APP: variants seen among roughly 807,000 people sequenced by gnomAD.
The protein encoded by APP is amyloid-beta precursor protein.
In APP, 31 loss-of-function variants were observed where a neutral mutation model predicts 101.4. That is an observed-to-expected ratio of 0.31 (90% confidence interval 0.23 to 0.41). The LOEUF is 0.41. APP is among the 10% of genes least tolerant of loss of function. The pLI, the probability that APP is intolerant of heterozygous loss-of-function variation, is 1.00. For synonymous variants in APP, 366 were observed against 364.4 expected (o/e 1.00, Z -0.05); for missense variants, 839 against 1,003.7 (o/e 0.84, Z 2.22).
intron 5 of APP, among the ~76,000 whole-genome samples, chr21:26,048,258 G>A (rs998247550): frequency 7.9e-5 from 12 of 152,112 alleles, no homozygotes; most frequent in African/African-American, 2.9e-4. Flanking sequence ...GGGAGGTGGA[G>A]GTTGCAGTGA....
Position 26,045,624 on chromosome 21 carries a change from C to G in APP, c.662+5376G>C, listed in dbSNP as rs150280699. On this transcript the variant is annotated intron_variant, in intron 5 of 17. Coordinates refer to ENST00000346798, the MANE Select transcript of APP (RefSeq NM_000484.4). ...AAATATGAAACAATAATAATATAAACGGCCCACTGTATCTAGATAGTCAAT... is the reference window on the plus strand; with the variant it reads ...AAATATGAAACAATAATAATATAAAGGGCCCACTGTATCTAGATAGTCAAT... 3.8e-3 allele frequency among the ~76,000 whole-genome samples: 575 copies of G among 152,192 alleles called. 5 individuals carry two copies. Among genetic ancestry groups the G allele is most frequent in the African/African-American group, 0.013 (547 of 41,516 alleles).
At chr21:26,124,752 A>G (rs983502785) in intron 1 of APP, among the ~76,000 whole-genome samples, 14 of 152,244 alleles carry the variant, frequency 9.2e-5, no homozygotes, top group African/African-American at 3.4e-4. Flanking sequence ...GTTATCAAAC[A>G]CATGCCGTTC....
intron 1 of APP, among the ~76,000 whole-genome samples, chr21:26,118,563 C>T (rs1437600129): frequency 6.6e-6 from 1 of 152,022 alleles, no homozygotes; most frequent in East Asian, 1.9e-4. Context: ...TGTTTTGTTT[C>T]GTTTTCTGAG....
intron 3 of APP, among the ~76,000 whole-genome samples, chr21:26,085,371 A>G (rs1211476157): frequency 1.3e-5 from 2 of 152,182 alleles, no homozygotes; most frequent in African/African-American, 2.4e-5. Context: ...TTAAATAATG[A>G]GAATGATGAA....
chr21:25,905,048 C>T lies in APP; in HGVS notation c.1939G>A (p.Asp647Asn), dbSNP rs368159818. Residue 647 changes from aspartate to asparagine, a missense_variant, in exon 15 of 18, where the codon GAC becomes AAC. Asp to Asn is a conservative substitution (Grantham distance 23). Coordinates refer to ENST00000346798, the MANE Select transcript of APP (RefSeq NM_000484.4). ...VEPVDARPAADRGLTTRPGSG... is the reference protein window; with the variant it reads ...VEPVDARPAANRGLTTRPGSG... ...CCTGGTCGAGTGGTCAGTCCTCGGT[C>T]GGCAGCAGGGCGGGCATCAACAGGC... 11 of 1,613,666 alleles carry T rather than the reference C, an allele frequency of 6.8e-6. No homozygotes were observed. Among genetic ancestry groups the T allele is most frequent in the South Asian group, 3.3e-5 (3 of 90,978 alleles).
At chr21:25,997,566 T>C (rs562858564) in intron 7 of APP, 150 bp from the exon 8 acceptor site, 399 of 696,318 alleles carry the variant, frequency 5.7e-4, no homozygotes, top group Non-Finnish European at 8.0e-4. Context: ...AAAATGAACA[T>C]ATAAACATAA....
intron 3 of APP, chr21:26,089,583 A>G (rs2061776912): frequency 7.2e-6 from 1 of 138,386 alleles, no homozygotes; most frequent in African/African-American, 2.8e-5. Flanking sequence ...TAGAAAGTCT[A>G]TGTGAAGAAA....
At chr21:25,924,379 T>TA (rs71183533) in intron 13 of APP, among the ~76,000 whole-genome samples, 34,712 of 50,998 alleles carry the variant, frequency 0.68, 12,946 homozygotes, top group Middle Eastern at 0.83. Flanking sequence ...TAAAGTATAA[T>TA]AAAAAAAAAA....
At chr21:26,049,598 T>G (rs1601324228) in intron 5 of APP, among the ~76,000 whole-genome samples, 1 of 152,214 alleles carries the variant, frequency 6.6e-6, no homozygotes, top group Admixed American at 6.5e-5. Context: ...GTTACATGAC[T>G]TGATACTTTA....
At chr21:26,101,010 C>A (rs550076299) in intron 2 of APP, among the ~76,000 whole-genome samples, 15 of 152,162 alleles carry the variant, frequency 9.9e-5, no homozygotes, top group African/African-American at 3.4e-4. Flanking sequence ...TAGACCCTAG[C>A]CCCTAGCTCC....
intron 3 of APP, among the ~76,000 whole-genome samples, chr21:26,060,689 A>G (rs545136453): frequency 1.2e-4 from 19 of 152,310 alleles, no homozygotes; most frequent in Middle Eastern, 3.4e-3. Flanking sequence ...CTACTTGAAA[A>G]TATGACATTT....
intron 5 of APP, among the ~76,000 whole-genome samples, chr21:26,043,799 T>TC (rs2045481032): frequency 9.6e-3 from 1 of 104 alleles, no homozygotes; most frequent in Non-Finnish European, 0.021. Context: ...CAATTTTACC[T>TC]TTGAGTTCTG....
At chr21:25,982,066 T>A (rs983399291) in intron 9 of APP, among the ~76,000 whole-genome samples, 2 of 152,182 alleles carry the variant, frequency 1.3e-5, no homozygotes, top group Non-Finnish European at 2.9e-5. Context: ...ATACACAGAA[T>A]AATAATGCCA....
intron 3 of APP, among the ~76,000 whole-genome samples, chr21:26,064,554 A>C (rs1040191849): frequency 6.6e-6 from 1 of 152,040 alleles, no homozygotes; most frequent in Non-Finnish European, 1.5e-5. Context: ...CGTATGTCTC[A>C]TAGGGTTTTA....
chr21:25,946,973 CTTT>C (rs1275597827), intron 13 of APP, among the ~76,000 whole-genome samples: 1 of 152,056 alleles, frequency 6.6e-6, no homozygotes, highest in Non-Finnish European at 1.5e-5. Flanking sequence ...AAAAAGGAAA[CTTT>C]TTTTACATTC....
intron 2 of APP, among the ~76,000 whole-genome samples, chr21:26,097,225 A>G (rs898811250): frequency 6.6e-6 from 1 of 152,136 alleles, no homozygotes; most frequent in African/African-American, 2.4e-5. Flanking sequence ...TGATCACTTT[A>G]TCTGATCCCT....
rs2039086662 is a variant in APP, at chr21:25,911,815, T to C, written c.1835A>G (p.Glu612Gly). ...CGGCTGGAGATCGTCCAGGCTGAAC[T>C]CTCCATTCACGGGAAGGAGCTCCAC... ...TTVELLPVNG[E>G]FSLDDLQPWH... Residue 612 changes from glutamate (E) to glycine (G), a missense_variant, in exon 14 of 18, where the codon GAG becomes GGG. By Grantham distance (98) the Glu-to-Gly change is moderately conservative (BLOSUM62 -2). Transcript: ENST00000346798. 6.2e-7 allele frequency: 1 copy of C among 1,614,000 alleles called. No homozygotes were observed. The highest frequency in any genetic ancestry group is 1.1e-5 in the South Asian group (1 of 91,084).
At chr21:26,011,143 T>G (rs1392637959) in intron 6 of APP, among the ~76,000 whole-genome samples, 1 of 152,122 alleles carries the variant, frequency 6.6e-6, no homozygotes, top group Non-Finnish European at 1.5e-5. Context: ...TGGCACGATC[T>G]CAGCTCACTG....
At chr21:26,145,192 C>G (rs1286113675) in intron 1 of APP, among the ~76,000 whole-genome samples, 1 of 152,112 alleles carries the variant, frequency 6.6e-6, no homozygotes, top group Non-Finnish European at 1.5e-5. Context: ...ACCAAGGAGT[C>G]CTACATTCAA....
Sources: gnomAD v4.1 joint callset for allele counts (sites outside exome capture counted in the v4.1 genomes callset) on GRCh38, gnomAD v4.1.1 for gene constraint, MANE v1.5 for transcripts, NCBI Gene and HGNC (gene_info 2026-07-23, HGNC 2026-07-21) for gene names.